The following BRDT variants were observed in gnomAD, a reference collection of about 807,000 sequenced individuals.
BRDT encodes bromodomain testis associated.
A neutral mutation model predicts 113.9 loss-of-function variants in BRDT; 77 were observed. That is an observed-to-expected ratio of 0.68 (90% CI 0.56 to 0.82). The LOEUF (loss-of-function observed/expected upper bound fraction) is 0.82, where lower values mean the gene tolerates loss of function less well. Ranked by LOEUF, BRDT falls within the 40% of genes least tolerant of loss-of-function variation. The probability of loss-of-function intolerance (pLI) is 0.00; values close to 1 mark genes in which losing one functional copy is unlikely to be tolerated. For synonymous variants in BRDT, 358 were observed against 366.5 expected (o/e 0.98, Z 0.26); for missense variants, 1,027 against 1,105.4 (o/e 0.93, Z 1.01).
chr1:91,951,009 CAG>C (rs1681007382), intron 1 of BRDT, among the ~76,000 whole-genome samples: 2 of 135,564 alleles, frequency 1.5e-5, no homozygotes, highest in Middle Eastern at 7.5e-3. Flanking sequence ...GCCTGGATGA[CAG>C]TGAGACTCCG....
intron 12 of BRDT, among the ~76,000 whole-genome samples, chr1:91,986,245 A>C (rs1368220614): frequency 6.6e-6 from 1 of 152,192 alleles, no homozygotes; most frequent in East Asian, 1.9e-4. Context: ...AATGCTCAAC[A>C]ATCTTGGGGT....
intron 18 of BRDT, among the ~76,000 whole-genome samples, chr1:92,007,099 A>G (rs1042808220): frequency 2.0e-5 from 3 of 152,126 alleles, no homozygotes; most frequent in Non-Finnish European, 4.4e-5. Flanking sequence ...TTTTAATCAC[A>G]TGTTTAGACT....
chr1:92,004,497 G>A lies in BRDT; in HGVS notation c.2472G>A (p.Glu824=). 1 of 1,613,362 alleles carries A rather than the reference G, an allele frequency of 6.2e-7. No homozygotes were observed. The highest frequency in any genetic ancestry group is 1.1e-5 in the South Asian group (1 of 90,932). ...CAGGTGTAATGAAATCCTCAGATGA[G>A]CTCTTCAACCAATTTAGAAAAGCAG... is the stretch of plus-strand genomic sequence containing the variant. The part of the protein sequence containing the change: ...KPSGVMKSSD[E]LFNQFRKAAI... The change falls in exon 17 of 19, where the codon GAG becomes GAA. Residue 824 remains glutamate, a synonymous_variant. Coordinates refer to ENST00000399546, the MANE Select transcript of BRDT (RefSeq NM_207189.4).
Position 91,980,735 on chromosome 1 carries a change from A to C in BRDT, c.1380A>C (p.Lys460Asn). ...KKKEKSKKEK[K>N]KEKVNNSNEN... ...AAGAGAAGTCTAAAAAGGAAAAGAA[A>C]AAAGAAAAGGTTAATAACAGCAATG... is the stretch of plus-strand genomic sequence containing the variant. The change falls in exon 9 of 19, where the codon AAA becomes AAC. Residue 460 changes from lysine (K) to asparagine (N), a missense_variant. By Grantham distance (94) the Lys-to-Asn change is moderately conservative. Transcript: ENST00000399546. 6.2e-7 allele frequency: 1 copy of C among 1,608,516 alleles called. No individual in the cohort carries two copies.
At chr1:91,996,878 A>G (rs922882797) in intron 15 of BRDT, among the ~76,000 whole-genome samples, 1 of 152,214 alleles carries the variant, frequency 6.6e-6, no homozygotes, top group African/African-American at 2.4e-5. Context: ...AGGTTTCTAG[A>G]ACTAACAGGG....
intron 7 of BRDT, 29 bp from the exon 8 acceptor site, chr1:91,979,540 A>C (rs760440273): frequency 1.9e-6 from 3 of 1,585,422 alleles, no homozygotes; most frequent in East Asian, 2.2e-5. Context: ...AAATACAGAA[A>C]ACCATAACAA....
At chr1:91,981,437 G>A in intron 11 of BRDT, 56 bp downstream of exon 11, 1 of 1,519,950 alleles carries the variant, frequency 6.6e-7, no homozygotes, top group Non-Finnish European at 9.1e-7. Flanking sequence ...TAGAGACAGG[G>A]TCTTGTGATA....
intron 1 of BRDT, among the ~76,000 whole-genome samples, chr1:91,960,550 G>A (rs899832918): frequency 1.7e-4 from 26 of 152,188 alleles, no homozygotes; most frequent in African/African-American, 6.3e-4. Context: ...ACAGAAGAAT[G>A]AGGATTTGTT....
chr1:91,964,569 A>G, intron 2 of BRDT, 58 bp from the exon 3 acceptor site: 1 of 1,084,994 alleles, frequency 9.2e-7, no homozygotes, highest in Non-Finnish European at 1.3e-6. Context: ...TTCTTTGTGT[A>G]TCAATAGTTG....
chr1:92,006,807 G>T (rs1687355186), intron 18 of BRDT, among the ~76,000 whole-genome samples: 1 of 150,814 alleles, frequency 6.6e-6, no homozygotes, highest in Admixed American at 6.6e-5. Context: ...ATTTTTTTGA[G>T]ACAGAATTTT....
At chr1:91,991,991 C>CAAAAAAAAAAAAAAA (rs764759925) in intron 13 of BRDT, among the ~76,000 whole-genome samples, 50 of 67,724 alleles carry the variant, frequency 7.4e-4, no homozygotes, top group Non-Finnish European at 9.0e-4. Flanking sequence ...GACTCTGTCT[C>CAAAAAAAAAAAAAAA]AAAAAAAAAA....
intron 16 of BRDT, among the ~76,000 whole-genome samples, chr1:92,002,562 T>C (rs1686958367): frequency 6.6e-6 from 1 of 152,128 alleles, no homozygotes; most frequent in Non-Finnish European, 1.5e-5. Flanking sequence ...GAGACAGTGT[T>C]TTGCCACGTT....
intron 5 of BRDT, 134 bp from the exon 6 acceptor site, chr1:91,976,909 C>T: frequency 1.5e-6 from 1 of 681,822 alleles, no homozygotes; most frequent in Non-Finnish European, 2.3e-6. Flanking sequence ...CATGGATTGA[C>T]AACAATATGT....
At chr1:91,951,471 G>GC (rs1416967418) in intron 1 of BRDT, among the ~76,000 whole-genome samples, 1 of 151,958 alleles carries the variant, frequency 6.6e-6, no homozygotes, top group Non-Finnish European at 1.5e-5. Flanking sequence ...CGGCAGGGTG[G>GC]CGGGGGGGCG....
intron 5 of BRDT, 95 bp from the exon 6 acceptor site, chr1:91,976,948 C>T (rs1359474860): frequency 1.1e-6 from 1 of 952,234 alleles, no homozygotes; most frequent in African/African-American, 1.7e-5. Flanking sequence ...GACTTGGTGC[C>T]AATAATCTTT....
chr1:91,952,442 G>A (rs188723896), intron 1 of BRDT, among the ~76,000 whole-genome samples: 1 of 152,050 alleles, frequency 6.6e-6, no homozygotes, highest in Non-Finnish European at 1.5e-5. Context: ...GGGGCTCTTC[G>A]GCTGAATGCT....
chr1:91,966,434 G>A (rs918640443), intron 3 of BRDT, among the ~76,000 whole-genome samples: 2 of 152,108 alleles, frequency 1.3e-5, no homozygotes, highest in African/African-American at 2.4e-5. Context: ...GACTCACTGT[G>A]TTGCCTAGGC....
chr1:92,001,633 T>C (rs1686853767), intron 15 of BRDT, among the ~76,000 whole-genome samples: 1 of 151,692 alleles, frequency 6.6e-6, no homozygotes, highest in Admixed American at 6.6e-5. Context: ...GAGGTGGAGG[T>C]TGCAGTGAGC....
At chr1:91,969,205 G>T (rs867965691) in intron 4 of BRDT, among the ~76,000 whole-genome samples, 1 of 152,042 alleles carries the variant, frequency 6.6e-6, no homozygotes. Flanking sequence ...CTCCCAAAGT[G>T]CTGGGATTAC....
Sources: allele counts gnomAD v4.1 joint callset (sites outside exome capture counted in the v4.1 genomes callset), GRCh38; gene constraint gnomAD v4.1.1; transcripts MANE v1.5; gene names NCBI Gene and HGNC (gene_info 2026-07-23, HGNC 2026-07-21).